ETV4: variants seen among roughly 807,000 people sequenced by gnomAD.
ETV4 encodes ETS translocation variant 4.
In ETV4, 42 loss-of-function variants were observed where a neutral mutation model predicts 65.9. The observed-to-expected ratio is 0.64, with a 90% confidence interval of 0.50 to 0.82. The LOEUF (loss-of-function observed/expected upper bound fraction) is 0.82. Ranked by LOEUF, ETV4 falls within the 40% of genes least tolerant of loss-of-function variation. The pLI is 0.00. For synonymous variants in ETV4, 238 were observed against 260.0 expected (o/e 0.92, Z 0.81); for missense variants, 583 against 630.3 (o/e 0.92, Z 0.80).
chr17:43,535,721 C>T (rs1374835903), intron 5 of ETV4, among the ~76,000 whole-genome samples: 1 of 152,186 alleles, frequency 6.6e-6, no homozygotes, highest in Non-Finnish European at 1.5e-5. Context: ...ACCAGTAGCA[C>T]CCCACCCTCA....
intron 5 of ETV4, among the ~76,000 whole-genome samples, chr17:43,534,536 C>T (rs1014306333): frequency 6.6e-6 from 1 of 152,040 alleles, no homozygotes; most frequent in Admixed American, 6.5e-5. Context: ...AACCCCAGGC[C>T]CCAGAAAACA....
chr17:43,531,190 G>T (rs908032457), intron 8 of ETV4, among the ~76,000 whole-genome samples: 3 of 152,188 alleles, frequency 2.0e-5, no homozygotes, highest in African/African-American at 7.2e-5. Context: ...CACAAAAAGG[G>T]AAATTCTAAA....
chr17:43,532,162 G>T (rs1970972940), intron 8 of ETV4, among the ~76,000 whole-genome samples: 2 of 152,102 alleles, frequency 1.3e-5, no homozygotes, highest in Admixed American at 6.5e-5. Flanking sequence ...ATGCCCCGGG[G>T]GCCCCCCTTA....
chr17:43,529,971 G>A lies in ETV4; in HGVS notation c.887-19C>T. 6.8e-6 allele frequency: 11 copies of A among 1,614,110 alleles called. No individual in the cohort carries two copies. The highest frequency in any genetic ancestry group is 9.3e-6 in the Non-Finnish European group (11 of 1,180,012). ...CCATAGCCTTGTGGAGGAAATTGGG[G>A]GTTGCTCAGATCTGGGGGTTCACCG... On this transcript the variant is annotated intron_variant, in intron 9 of 12. Coordinates refer to ENST00000319349, the MANE Select transcript of ETV4 (RefSeq NM_001079675.5).
At chr17:43,536,016 C>A (rs915336983) in intron 5 of ETV4, among the ~76,000 whole-genome samples, 1 of 152,192 alleles carries the variant, frequency 6.6e-6, no homozygotes, top group African/African-American at 2.4e-5. Flanking sequence ...GAAGCTGAGG[C>A]AGGAGAATGG....
Position 43,545,665 on chromosome 17 carries a change from A to C in ETV4, c.-48T>G. On this transcript the variant is annotated 5_prime_UTR_variant, in exon 2 of 13. Transcript: ENST00000319349. ...CGGCCGGGGCCCCAAGCGGGGGCCG[A>C]GACCTGGTGGGGGAGGGGGCTGCGT... 1 of 1,516,850 alleles carries C rather than the reference A, an allele frequency of 6.6e-7. No individual in the cohort carries two copies. Among genetic ancestry groups the C allele is most frequent in the South Asian group, 1.2e-5 (1 of 83,318 alleles). The allele number at this position is 1,516,850 out of a possible 1,614,324, so 94.0% of individuals were successfully genotyped here.
At position 43,534,577 on chromosome 17, in the gene ETV4, G is replaced by C. The variant is rs905861602; in HGVS notation, c.257-592C>G. Among the ~76,000 whole-genome samples the C allele has an allele frequency of 5.3e-5, 8 of 152,196 alleles. No homozygotes were observed. In the South Asian group the frequency reaches 1.2e-3, roughly 24 times the overall value. ...AAGGAGTGAGCACCTCCAACCTAGGGCCTGTAGTTTTCCTGAGTGCCCTGG... is the reference window on the plus strand; with the variant it reads ...AAGGAGTGAGCACCTCCAACCTAGGCCCTGTAGTTTTCCTGAGTGCCCTGG... On this transcript the variant is annotated intron_variant, in intron 5 of 12. Coordinates refer to ENST00000319349, the MANE Select transcript of ETV4 (RefSeq NM_001079675.5).
intron 11 of ETV4, 38 bp downstream of exon 11, chr17:43,529,466 C>T (rs751854022): frequency 3.2e-6 from 5 of 1,578,242 alleles, no homozygotes; most frequent in Non-Finnish European, 4.3e-6. Context: ...AGGCTGTAAA[C>T]TTTGGAAAGG....
Position 43,528,235 on chromosome 17 carries a change from G to T in ETV4, c.*284C>A. 2.8e-6 allele frequency: 1 copy of T among 360,310 alleles called. No homozygotes were observed. The highest frequency in any genetic ancestry group is 5.0e-6 in the Non-Finnish European group (1 of 199,240). The allele number at this position is 360,310 out of a possible 1,614,324, so 22.3% of individuals were successfully genotyped here. ...CTTGTTCTCTGTGGTTGGGGAAAAG[G>T]TGTGGGGGGCTTGGACCTAGGAAGA... On this transcript the variant is annotated 3_prime_UTR_variant, in exon 13 of 13. Transcript: ENST00000319349.
At chr17:43,536,117 A>AAAACAAACAAACAAAC (rs113078365) in intron 5 of ETV4, among the ~76,000 whole-genome samples, 3 of 151,608 alleles carry the variant, frequency 2.0e-5, no homozygotes, top group African/African-American at 7.3e-5. Flanking sequence ...TCTTGGGGGG[A>AAAACAAACAAACAAAC]AAACAAACAA....
intron 4 of ETV4, among the ~76,000 whole-genome samples, chr17:43,539,698 TCC>T: frequency 6.6e-6 from 1 of 152,140 alleles, no homozygotes; most frequent in Non-Finnish European, 1.5e-5. Flanking sequence ...ACTGAAGAGA[TCC>T]TGACCATCCT....
chr17:43,542,045 C>T lies in ETV4; in HGVS notation c.202+2930G>A, dbSNP rs145461557. Among the ~76,000 whole-genome samples the T allele has an allele frequency of 2.4e-3, 369 of 152,234 alleles. 3 individuals carry two copies. Among genetic ancestry groups the T allele is most frequent in the Admixed American group, 0.019 (290 of 15,284 alleles). On this transcript the variant is annotated intron_variant, in intron 4 of 12. Coordinates refer to ENST00000319349, the MANE Select transcript of ETV4 (RefSeq NM_001079675.5). The stretch of plus-strand genomic sequence containing the variant: ...GGGTGAAATGTGCCCTCCATGCATG[C>T]CCTCCACACATGGGGTCTTTTTTTG...
In ETV4 at chr17:43,528,467, A is replaced by G; in HGVS notation, c.*52T>C. 5 of 1,241,310 alleles carry G rather than the reference A, an allele frequency of 4.0e-6. No homozygotes were observed. Among genetic ancestry groups the G allele is most frequent in the East Asian group, 2.4e-5 (1 of 41,844 alleles). The allele number at this position is 1,241,310 out of a possible 1,614,324, so 76.9% of individuals were successfully genotyped here. A position where few individuals can be genotyped will look rare whatever the true frequency, so the allele number is the denominator to read the frequency against. On this transcript the variant is annotated 3_prime_UTR_variant, in exon 13 of 13. Transcript: ENST00000319349. The stretch of plus-strand genomic sequence containing the variant: ...GGTTTCCCCAACACCAGATTCATTT[A>G]TATGTACACAGGGCAGCACCCACCT...
intron 4 of ETV4, among the ~76,000 whole-genome samples, chr17:43,539,126 TTC>T (rs1310719377): frequency 6.6e-6 from 1 of 152,106 alleles, no homozygotes; most frequent in Non-Finnish European, 1.5e-5. Flanking sequence ...ATAAAATCAT[TTC>T]TCTCTGTTAT....
chr17:43,530,824 CCTCCCCCCACTGCA>C (rs1316057800), intron 8 of ETV4, among the ~76,000 whole-genome samples: 1 of 152,014 alleles, frequency 6.6e-6, no homozygotes, highest in African/African-American at 2.4e-5. Context: ...CCCTTCCCGC[CCTCCCCCCACTGCA>C]CTCCCACCTA....
intron 7 of ETV4, 88 bp from the exon 8 acceptor site, chr17:43,533,027 C>G: frequency 6.6e-7 from 1 of 1,510,384 alleles, no homozygotes; most frequent in Non-Finnish European, 8.9e-7. Context: ...TTAGAGTGGG[C>G]TCCGGAATGG....
chr17:43,533,458 T>G, intron 6 of ETV4, 110 bp from the exon 7 acceptor site: 1 of 1,052,076 alleles, frequency 9.5e-7, no homozygotes, highest in Non-Finnish European at 1.4e-6. Context: ...GAAGGAAGGA[T>G]AGAGGGGGCT....
chr17:43,528,853 G>A lies in ETV4; in HGVS notation c.1231-110C>T, dbSNP rs899043815. The A allele has an allele frequency of 4.2e-5, 35 of 836,444 alleles. 1 individual carries two copies. Among genetic ancestry groups the A allele is most frequent in the Middle Eastern group, 5.1e-4 (2 of 3,904 alleles). The allele number at this position is 836,444 out of a possible 1,614,324, so 51.8% of individuals were successfully genotyped here. A position where few individuals can be genotyped will look rare whatever the true frequency, so the allele number is the denominator to read the frequency against. On this transcript the variant is annotated intron_variant, in intron 12 of 12. Coordinates refer to ENST00000319349, the MANE Select transcript of ETV4 (RefSeq NM_001079675.5). ...CTTCTACCAGTACAGGCAGATGCTC[G>A]GGGCATTTCTCTCCCATGCTGGTTC... is the stretch of plus-strand genomic sequence containing the variant.
chr17:43,545,695 A>G, intron 1 of ETV4, 27 bp from the exon 2 acceptor site: 2 of 1,264,664 alleles, frequency 1.6e-6, no homozygotes, highest in Non-Finnish European at 2.2e-6. Context: ...CTGCGTTCGC[A>G]CACCGTCCAG....
Sources: allele counts gnomAD v4.1 joint callset (sites outside exome capture counted in the v4.1 genomes callset), GRCh38; gene constraint gnomAD v4.1.1; transcripts MANE v1.5; gene names NCBI Gene and HGNC (gene_info 2026-07-23, HGNC 2026-07-21).